MRNIP: variants seen among roughly 807,000 people sequenced by gnomAD.
MRNIP encodes MRN complex interacting protein.
MRNIP carries 30 observed loss-of-function variants against 29.8 expected under a neutral mutation model. That is an observed-to-expected ratio of 1.01 (90% confidence interval 0.75 to 1.36). The LOEUF is 1.36. MRNIP is among the 40% of genes most tolerant of loss of function. MRNIP has a pLI of 0.00. For synonymous variants in MRNIP, 201 were observed against 164.1 expected, an observed-to-expected ratio of 1.23 and a Z score of -1.72; for missense variants, 459 against 423.5, an observed-to-expected ratio of 1.08 and a Z score of -0.74.
At chr5:179,844,438 A>T (rs1320227152) in intron 3 of MRNIP, 1 of 482,464 alleles carries the variant, frequency 2.1e-6, no homozygotes, top group African/African-American at 2.0e-5. Flanking sequence ...CCCGGAAGGC[A>T]GAGGCTGCAG....
chr5:179,857,526 A>G (rs912633815), intron 1 of MRNIP, among the ~76,000 whole-genome samples: 4 of 152,200 alleles, frequency 2.6e-5, no homozygotes, highest in Admixed American at 6.6e-5. Flanking sequence ...ACAGCATGAA[A>G]CATTAGACGT....
Position 179,841,937 on chromosome 5 carries a change from G to C in MRNIP, c.419C>G (p.Pro140Arg). Residue 140 changes from proline (P) to arginine (R), a missense_variant, in exon 5 of 7, where the codon CCC becomes CGC. Pro to Arg is a moderately radical substitution (Grantham distance 103). Transcript: ENST00000292586. The stretch of plus-strand genomic sequence containing the variant: ...TCTAGGCAGGTCTTGACTGAAGCGG[G>C]GGCCTGGCTCCTCCATTTTGGATGA... ...QPSSKMEEPG[P>R]RFSQDLPRKR... The C allele has an allele frequency of 6.2e-7, 1 of 1,614,076 alleles. No individual in the cohort carries two copies. The highest frequency in any genetic ancestry group is 8.5e-7 in the Non-Finnish European group (1 of 1,180,022).
Position 179,837,512 on chromosome 5 carries a change from G to A in MRNIP, c.911C>T (p.Ser304Leu), listed in dbSNP as rs1406799489. The change falls in exon 7 of 7, where the codon TCA becomes TTA. Residue 304 changes from serine to leucine, a missense_variant. Coordinates refer to ENST00000292586, the MANE Select transcript of MRNIP (RefSeq NM_016175.4). ...SGSERPCGKT[S>L]WDARTPWAEG... is the part of the protein sequence containing the mutation. The stretch of plus-strand genomic sequence containing the variant: ...TGCCCAGGGAGTCCTTGCGTCCCAT[G>A]AGGTCTTCCCGCAAGGCCTCTCAGA... The A allele has an allele frequency of 4.3e-6, 7 of 1,614,230 alleles. No individual in the cohort carries two copies. The highest frequency in any genetic ancestry group is 5.9e-6 in the Non-Finnish European group (7 of 1,180,034).
At position 179,837,389 on chromosome 5, in the gene MRNIP, GATCACACATCATC is replaced by G. The variant is rs759284983; in HGVS notation, c.1021_*1del. 6.3e-7 allele frequency: 1 copy of G among 1,588,420 alleles called. No homozygotes were observed. The highest frequency in any genetic ancestry group is 1.1e-5 in the South Asian group (1 of 87,748). On this transcript the variant is annotated stop_lost and 3_prime_UTR_variant, in exon 7 of 7. Transcript: ENST00000292586. Reference sequence around the variant, plus strand: ...CTCGATTAATAACCTGCCAGTCCCAGATCACACATCATCATCGAAGTCTTCCCCAGTTATAAAG... The same window carrying G: ...CTCGATTAATAACCTGCCAGTCCCAGATCGAAGTCTTCCCCAGTTATAAAG...
chr5:179,858,802 C>CT lies in MRNIP; in HGVS notation c.-7dup, dbSNP rs757139253. ...GAACGCTGAAGCGACGCCATCCCTGCTTGTGCAGTCGCCAGGCAGCCAAGC... is the reference window on the plus strand; with the variant it reads ...GAACGCTGAAGCGACGCCATCCCTGCTTTGTGCAGTCGCCAGGCAGCCAAGC... On this transcript the variant is annotated 5_prime_UTR_variant, in exon 1 of 7. Coordinates refer to ENST00000292586, the MANE Select transcript of MRNIP (RefSeq NM_016175.4). 3 of 1,539,732 alleles carry CT rather than the reference C, an allele frequency of 1.9e-6. No individual in the cohort carries two copies. The highest frequency in any genetic ancestry group is 2.5e-5 in the East Asian group (1 of 40,290).
chr5:179,845,286 G>A (rs1386250141), intron 3 of MRNIP, among the ~76,000 whole-genome samples: 4 of 151,548 alleles, frequency 2.6e-5, no homozygotes, highest in South Asian at 2.1e-4. Flanking sequence ...TGCAACCTCC[G>A]CCTCCTGGGT....
At chr5:179,851,240 T>C in intron 2 of MRNIP, 1 of 455,908 alleles carries the variant, frequency 2.2e-6, no homozygotes, top group Non-Finnish European at 4.4e-6. Context: ...GGTGTCTGCC[T>C]ACCTGGTAAG....
intron 6 of MRNIP, 166 bp downstream of exon 6, chr5:179,840,706 C>A: frequency 1.6e-6 from 1 of 641,788 alleles, no homozygotes; most frequent in Non-Finnish European, 2.8e-6. Context: ...GGGGTACAGA[C>A]CCGAGGAAGG....
At chr5:179,842,580 G>T (rs1758930555) in intron 4 of MRNIP, among the ~76,000 whole-genome samples, 2 of 148,146 alleles carry the variant, frequency 1.4e-5, no homozygotes, top group Non-Finnish European at 3.0e-5. Context: ...GGCACCTGTA[G>T]TCCCAGCTAC....
At chr5:179,838,080 C>T (rs1448155857) in intron 6 of MRNIP, 195 bp from the exon 7 acceptor site, 2 of 601,552 alleles carry the variant, frequency 3.3e-6, no homozygotes, top group Middle Eastern at 4.4e-4. Flanking sequence ...CACCGCAAAC[C>T]TTCTGCTAAA....
At chr5:179,839,659 T>A (rs541791535) in intron 6 of MRNIP, 7 of 152,530 alleles carry the variant, frequency 4.6e-5, no homozygotes, top group African/African-American at 1.7e-4. Context: ...GCTCTGTGCG[T>A]GGTGCAAGGC....
Position 179,837,732 on chromosome 5 carries a change from G to T in MRNIP, c.691C>A (p.Gln231Lys). The T allele has an allele frequency of 6.2e-7, 1 of 1,614,206 alleles. No individual in the cohort carries two copies. Among genetic ancestry groups the T allele is most frequent in the Non-Finnish European group, 8.5e-7 (1 of 1,180,022 alleles). ...CTTTTTCTAGGTGGCAGGACAAATT[G>T]CGCCCATTTAGAGGATGTGGCTGTA... ...QVTATSSKWA[Q>K]FVLPPRKSSH... The change falls in exon 7 of 7, where the codon CAA becomes AAA. Residue 231 changes from glutamine to lysine, a missense_variant. Physicochemically the swap from Gln to Lys is moderately conservative, Grantham distance 53. Coordinates refer to ENST00000292586, the MANE Select transcript of MRNIP (RefSeq NM_016175.4).
chr5:179,841,848 C>G, intron 5 of MRNIP, 59 bp downstream of exon 5: 1 of 1,553,784 alleles, frequency 6.4e-7, no homozygotes, highest in South Asian at 1.2e-5. Flanking sequence ...CACTGGTGCC[C>G]CACTGCTGGA....
intron 4 of MRNIP, among the ~76,000 whole-genome samples, chr5:179,843,043 A>AAGGAAGGAAGGAAGGAAGGGAGGG (rs1554093099): frequency 6.2e-4 from 60 of 97,156 alleles, no homozygotes; most frequent in Non-Finnish European, 1.0e-3. Flanking sequence ...AGGAGGAAAG[A>AAGGAAGGAAGGAAGGAAGGGAGGG]AGGAAGGAAG....
At chr5:179,848,189 G>A in intron 2 of MRNIP, 123 bp from the exon 3 acceptor site, 1 of 728,798 alleles carries the variant, frequency 1.4e-6, no homozygotes, top group Admixed American at 2.1e-5. Context: ...GACCCCTAAA[G>A]CAGCATGCAG....
rs1265404674 is a variant in MRNIP at position 179,842,035 on chromosome 5, C to A, written c.321G>T (p.Trp107Cys). Residue 107 changes from tryptophan to cysteine, a missense_variant, in exon 5 of 7, where the codon TGG becomes TGT. By Grantham distance (215) the Trp-to-Cys change is radical. Transcript: ENST00000292586. ...GGGAGTCCTTTTCTAGATACTTCAG[C>A]CAGCGACTCTCTGAGGGCTGCGATT... ...QEKSQPSESR[W>C]LKYLEKDSQE... 1 of 1,614,114 alleles carries A rather than the reference C, an allele frequency of 6.2e-7. No homozygotes were observed.
At chr5:179,855,232 C>T (rs1279013971) in intron 1 of MRNIP, among the ~76,000 whole-genome samples, 1 of 150,624 alleles carries the variant, frequency 6.6e-6, no homozygotes, top group African/African-American at 2.5e-5. Context: ...GCAACCTCCA[C>T]CTCCCAGGTT....
chr5:179,858,606 C>T (rs1759703525), intron 1 of MRNIP, 125 bp downstream of exon 1: 3 of 610,242 alleles, frequency 4.9e-6, no homozygotes, highest in East Asian at 3.1e-5. Context: ...CCGCCCTCAG[C>T]GGTCCCTGCA....
chr5:179,837,594 T>G lies in MRNIP; in HGVS notation c.829A>C (p.Ser277Arg). Reference protein sequence around the residue: ...PRAQASREGLSRPTAAVQLPR... With the variant: ...PRAQASREGLRRPTAAVQLPR... ...AGCTGGACAGCGGCAGTGGGCCTGC[T>G]GAGGCCTTCTCTTGAGGCCTGTGCT... Residue 277 changes from serine (S) to arginine (R), a missense_variant, in exon 7 of 7, where the codon AGC (serine) becomes CGC (arginine). By Grantham distance (110) the Ser-to-Arg change is moderately radical (BLOSUM62 -1). Coordinates refer to ENST00000292586, the MANE Select transcript of MRNIP (RefSeq NM_016175.4). 7 of 1,614,248 alleles carry G rather than the reference T, an allele frequency of 4.3e-6. No individual in the cohort carries two copies. The highest frequency in any genetic ancestry group is 5.9e-6 in the Non-Finnish European group (7 of 1,180,048).
Sources: gnomAD v4.1 joint callset for allele counts (sites outside exome capture counted in the v4.1 genomes callset) on GRCh38, gnomAD v4.1.1 for gene constraint, MANE v1.5 for transcripts, NCBI Gene and HGNC (gene_info 2026-07-23, HGNC 2026-07-21) for gene names.